METTL15: variants seen among roughly 807,000 people sequenced by gnomAD.
The protein encoded by METTL15 is methyltransferase 15, mitochondrial 12S rRNA N4-cytidine, also known as 12S rRNA N(4)-cytidine methyltransferase METTL15.
A neutral mutation model predicts 38.3 loss-of-function variants in METTL15; 34 were observed. The ratio of observed to expected loss-of-function variants is 0.89; its 90% confidence interval spans 0.68 to 1.18. The LOEUF (loss-of-function observed/expected upper bound fraction) is 1.18, where lower values mean the gene tolerates loss of function less well. Ranked by LOEUF, METTL15 falls within the 50% of genes most tolerant of loss-of-function variation. METTL15 has a pLI of 0.00. For synonymous variants in METTL15, 162 were observed against 170.9 expected (o/e 0.95, Z 0.41); for missense variants, 438 against 498.4 (o/e 0.88, Z 1.15).
intron 6 of METTL15, among the ~76,000 whole-genome samples, chr11:28,479,218 G>A (rs1851374396): frequency 5.5e-5 from 1 of 18,338 alleles, no homozygotes; most frequent in Non-Finnish European, 1.2e-3. Flanking sequence ...AGTGCCTACT[G>A]TATGTCATGA....
intron 4 of METTL15, among the ~76,000 whole-genome samples, chr11:28,259,862 G>T (rs1410205425): frequency 6.6e-6 from 1 of 152,076 alleles, no homozygotes; most frequent in African/African-American, 2.4e-5. Flanking sequence ...AGTTAAATTG[G>T]TGTCCTTGCA....
chr11:28,475,296 T>C (rs1047432164), intron 6 of METTL15, among the ~76,000 whole-genome samples: 1 of 152,206 alleles, frequency 6.6e-6, no homozygotes, highest in African/African-American at 2.4e-5. Context: ...AAATGAAAAT[T>C]GCATGATCCT....
intron 4 of METTL15, among the ~76,000 whole-genome samples, chr11:28,216,627 A>G (rs1447753212): frequency 6.6e-6 from 1 of 151,978 alleles, no homozygotes; most frequent in Non-Finnish European, 1.5e-5. Context: ...TTTATTACAT[A>G]TGTATACATG....
At chr11:28,190,406 TGTTAA>T (rs892774384) in intron 3 of METTL15, among the ~76,000 whole-genome samples, 5 of 151,360 alleles carry the variant, frequency 3.3e-5, no homozygotes, top group South Asian at 4.1e-4. Flanking sequence ...CTTGTCATGG[TGTTAA>T]GTTAAATGAG....
intron 4 of METTL15, among the ~76,000 whole-genome samples, chr11:28,269,354 A>G (rs1174773104): frequency 2.6e-5 from 4 of 152,042 alleles, no homozygotes; most frequent in African/African-American, 9.7e-5. Context: ...CATGTATGTA[A>G]CTTGCACATG....
intron 3 of METTL15, among the ~76,000 whole-genome samples, chr11:28,193,256 AT>A (rs549447555): frequency 1.6e-3 from 237 of 152,166 alleles, no homozygotes; most frequent in African/African-American, 5.5e-3. Flanking sequence ...AGATTGGGTA[AT>A]TTATAAAGAA....
intron 4 of METTL15, among the ~76,000 whole-genome samples, chr11:28,254,271 A>G (rs1854877196): frequency 6.6e-6 from 1 of 152,116 alleles, no homozygotes; most frequent in Non-Finnish European, 1.5e-5. Flanking sequence ...TGCTATTTGT[A>G]TGTCTTCTTT....
intron 6 of METTL15, among the ~76,000 whole-genome samples, chr11:28,324,100 T>C (rs1214528693): frequency 2.0e-5 from 3 of 152,248 alleles, no homozygotes; most frequent in Non-Finnish European, 2.9e-5. Context: ...TTTCCTTTTG[T>C]AGTCAGTTTT....
chr11:28,423,250 T>C (rs923114797), intron 5 of METTL15, among the ~76,000 whole-genome samples: 3 of 152,030 alleles, frequency 2.0e-5, no homozygotes, highest in Non-Finnish European at 4.4e-5. Context: ...GTTGTTGAAA[T>C]GTAAATTAGT....
In METTL15 at chr11:28,290,359, G is replaced by A; in HGVS notation, c.561G>A (p.Arg187=). ...LDTPERGFSL[R]KDGPLDMRMD... Reference sequence around the variant, plus strand: ...CTCCTGAAAGAGGTTTTTCCCTTCGGAAAGATGGCCCTTTGGACATGAGAA... The same window carrying A: ...CTCCTGAAAGAGGTTTTTCCCTTCGAAAAGATGGCCCTTTGGACATGAGAA... The change falls in exon 5 of 7, where the codon CGG becomes CGA. Residue 187 remains arginine (R), a synonymous_variant. Transcript: ENST00000407364. 1 of 1,613,234 alleles carries A rather than the reference G, an allele frequency of 6.2e-7. No individual in the cohort carries two copies. Among genetic ancestry groups the A allele is most frequent in the Non-Finnish European group, 8.5e-7 (1 of 1,179,450 alleles).
intron 6 of METTL15, among the ~76,000 whole-genome samples, chr11:28,323,287 A>G (rs1031434695): frequency 6.6e-6 from 1 of 152,026 alleles, no homozygotes; most frequent in Non-Finnish European, 1.5e-5. Flanking sequence ...TCTTGGTGCA[A>G]AGGTTTTATA....
chr11:28,295,183 G>T (rs1006741437), intron 5 of METTL15, among the ~76,000 whole-genome samples: 1 of 152,054 alleles, frequency 6.6e-6, no homozygotes, highest in Admixed American at 6.6e-5. Context: ...TATGTTCCAG[G>T]CATTGTATTT....
At chr11:28,135,517 T>G (rs1849485566) in intron 3 of METTL15, among the ~76,000 whole-genome samples, 1 of 151,778 alleles carries the variant, frequency 6.6e-6, no homozygotes, top group Admixed American at 6.6e-5. Context: ...GTAGACAAGG[T>G]ATGAGGCCAG....
chr11:28,252,990 C>T (rs182414013), intron 4 of METTL15, among the ~76,000 whole-genome samples: 14 of 152,110 alleles, frequency 9.2e-5, no homozygotes, highest in African/African-American at 3.1e-4. Context: ...TCTTGGTCTC[C>T]TCCTCCTCTA....
intron 6 of METTL15, among the ~76,000 whole-genome samples, chr11:28,430,210 C>T (rs1301065717): frequency 7.3e-5 from 11 of 151,668 alleles, no homozygotes; most frequent in Admixed American, 1.3e-4. Context: ...GCAGCCACCC[C>T]GTCCGGGAGG....
intron 4 of METTL15, among the ~76,000 whole-genome samples, chr11:28,272,492 C>G (rs564864293): frequency 1.3e-5 from 2 of 152,282 alleles, no homozygotes; most frequent in African/African-American, 2.4e-5. Context: ...GCCACATGCT[C>G]TCACTCATAA....
Position 28,426,731 on chromosome 11 carries a change from C to T in METTL15, c.*424+2367C>T, listed in dbSNP as rs1011490896. Among the ~76,000 whole-genome samples the T allele has an allele frequency of 6.0e-5, 9 of 151,202 alleles. No individual in the cohort carries two copies. The South Asian group carries it at 1.9e-3, about 32-fold the overall frequency. On this transcript the variant is annotated intron_variant and NMD_transcript_variant, in intron 6 of 7. Transcript: ENST00000532947. The stretch of plus-strand genomic sequence containing the variant: ...ATATGTTTATTGGCTGAATGTATGT[C>T]CTCTTTTGAGAAGTGTCTGTTCATG...
intron 2 of METTL15, among the ~76,000 whole-genome samples, chr11:28,112,998 A>C (rs1851779718): frequency 6.6e-6 from 1 of 152,188 alleles, no homozygotes; most frequent in Non-Finnish European, 1.5e-5. Context: ...AAATTCAAAA[A>C]AGTATGTTTC....
intron 6 of METTL15, among the ~76,000 whole-genome samples, chr11:28,429,463 C>T (rs1850894474): frequency 7.3e-6 from 1 of 136,502 alleles, no homozygotes; most frequent in African/African-American, 2.8e-5. Context: ...ACTGCAACCT[C>T]CCTGCCTGAT....
Sources: allele counts gnomAD v4.1 joint callset (sites outside exome capture counted in the v4.1 genomes callset), GRCh38; gene constraint gnomAD v4.1.1; transcripts MANE v1.5; gene names NCBI Gene and HGNC (gene_info 2026-07-23, HGNC 2026-07-21).